The following TCF7 variants were observed in gnomAD, a reference collection of about 807,000 sequenced individuals.
TCF7 encodes the protein T-cell-factor-7.
In TCF7, 19 loss-of-function variants were observed where a neutral mutation model predicts 46.8. The observed-to-expected ratio is 0.41, with a 90% confidence interval of 0.28 to 0.60. TCF7 has a LOEUF of 0.60. Among genes scored for constraint, TCF7 ranks in the 20% least tolerant of loss-of-function variants. The pLI, the probability that TCF7 is intolerant of heterozygous loss-of-function variation, is 0.35. For missense variants in TCF7, 547 were observed against 504.6 expected, an observed-to-expected ratio of 1.08 and a Z score of -0.81; for synonymous variants, 245 against 213.4, an observed-to-expected ratio of 1.15 and a Z score of -1.29.
chr5:134,144,124 T>A (rs1048199319), intron 9 of TCF7: 7 of 169,760 alleles, frequency 4.1e-5, no homozygotes, highest in African/African-American at 1.2e-4. Context: ...GTGCTCTATG[T>A]AGAGAAGCCC....
chr5:134,140,205 G>A (rs1214012141), intron 5 of TCF7, among the ~76,000 whole-genome samples: 2 of 152,214 alleles, frequency 1.3e-5, no homozygotes, highest in East Asian at 3.9e-4. Context: ...GCCGGGCAGG[G>A]TTCTGGGCAC....
intron 3 of TCF7, among the ~76,000 whole-genome samples, chr5:134,118,945 C>A (rs1188298863): frequency 6.6e-6 from 1 of 152,148 alleles, no homozygotes; most frequent in Non-Finnish European, 1.5e-5. Flanking sequence ...CAATGCCCGG[C>A]TAAGTTTGTT....
At chr5:134,110,090 G>A (rs1379993475), upstream of TCF7, among the ~76,000 whole-genome samples, 1 of 152,174 alleles carries the variant, frequency 6.6e-6, no homozygotes, top group Admixed American at 6.5e-5. Flanking sequence ...CAGGAACAAT[G>A]GCTGGCACAA....
intron 3 of TCF7, among the ~76,000 whole-genome samples, chr5:134,119,238 C>A (rs1445410741): frequency 6.6e-6 from 1 of 152,196 alleles, no homozygotes; most frequent in African/African-American, 2.4e-5. Flanking sequence ...GTAGCTTAGA[C>A]AGATGCCGAG....
intron 3 of TCF7, among the ~76,000 whole-genome samples, chr5:134,125,619 C>T (rs910809014): frequency 2.6e-5 from 4 of 152,242 alleles, no homozygotes; most frequent in Admixed American, 6.5e-5. Context: ...CCAGGCTTGT[C>T]ATGCCTGGAA....
At chr5:134,145,350 T>G in intron 9 of TCF7, 1 of 543,404 alleles carries the variant, frequency 1.8e-6, no homozygotes, top group Non-Finnish European at 3.6e-6. Context: ...GGTAGCCTTA[T>G]GACTTGCTAT....
intron 3 of TCF7, among the ~76,000 whole-genome samples, chr5:134,134,474 C>T (rs1758581684): frequency 6.6e-6 from 1 of 152,212 alleles, no homozygotes; most frequent in Non-Finnish European, 1.5e-5. Flanking sequence ...GAGGCTCAGT[C>T]TCCGTGCCCT....
chr5:134,129,153 GC>G (rs916695375), intron 3 of TCF7, among the ~76,000 whole-genome samples: 5 of 152,214 alleles, frequency 3.3e-5, no homozygotes, highest in African/African-American at 1.2e-4. Context: ...TTCCTCGTCT[GC>G]GAAGTCTGTA....
intron 9 of TCF7, chr5:134,144,881 C>T: frequency 6.2e-7 from 1 of 1,612,724 alleles, no homozygotes; most frequent in Non-Finnish European, 8.5e-7. Context: ...TGGGTTTGTC[C>T]CCACCATCGT....
At chr5:134,143,251 C>G (rs761723963) in intron 8 of TCF7, 151 bp downstream of exon 8, 22 of 821,820 alleles carry the variant, frequency 2.7e-5, no homozygotes, top group East Asian at 9.9e-5. Flanking sequence ...CCATGGCTGC[C>G]TCAGAAGAGG....
intron 9 of TCF7, 199 bp downstream of exon 9, chr5:134,143,839 C>T (rs1760267090): frequency 5.0e-6 from 3 of 604,976 alleles, no homozygotes; most frequent in Non-Finnish European, 8.6e-6. Context: ...CCCAGGGAAA[C>T]CCAGCAGAAC....
intron 3 of TCF7, among the ~76,000 whole-genome samples, chr5:134,130,811 G>A (rs1481670546): frequency 2.0e-5 from 3 of 151,996 alleles, no homozygotes; most frequent in Non-Finnish European, 4.4e-5. Flanking sequence ...CCTAAACACT[G>A]GCTTACACAC....
chr5:134,129,933 T>G (rs1757883340), intron 3 of TCF7, among the ~76,000 whole-genome samples: 1 of 152,244 alleles, frequency 6.6e-6, no homozygotes, highest in Non-Finnish European at 1.5e-5. Flanking sequence ...CAGGAGGGTG[T>G]GGCCTTGCCA....
chr5:134,117,409 C>T (rs1755973753), intron 3 of TCF7, among the ~76,000 whole-genome samples: 1 of 152,232 alleles, frequency 6.6e-6, no homozygotes, highest in South Asian at 2.1e-4. Flanking sequence ...ACTAGGTTGA[C>T]ATAACCCACC....
chr5:134,146,008 C>T, intron 9 of TCF7: 3 of 1,490,864 alleles, frequency 2.0e-6, no homozygotes, highest in Non-Finnish European at 1.8e-6. Flanking sequence ...CAAAAGGCCC[C>T]TTTGCCACCT....
Position 134,115,542 on chromosome 5 carries a change from C to T in TCF7, c.316+155C>T. ...GGTGGAGAGTGGGGGGCGGGCTTCC[C>T]GGGCGCCGCCGGGTCGAGTCACTTC... On this transcript the variant is annotated intron_variant, in intron 2 of 9. Coordinates refer to ENST00000342854, the MANE Select transcript of TCF7 (RefSeq NM_003202.5). 5 of 1,438,826 alleles carry T rather than the reference C, an allele frequency of 3.5e-6. No homozygotes were observed. In the African/African-American group the frequency reaches 4.4e-5, roughly 13 times the overall value. The allele number at this position is 1,438,826 out of a possible 1,614,324, so 89.1% of individuals were successfully genotyped here.
At chr5:134,145,176 A>G in intron 9 of TCF7, 1 of 608,578 alleles carries the variant, frequency 1.6e-6, no homozygotes, top group Non-Finnish European at 3.1e-6. Flanking sequence ...CAGACAGCTC[A>G]GCCACCACTA....
chr5:134,111,092 C>A (rs1475286552), upstream of TCF7, among the ~76,000 whole-genome samples: 2 of 152,162 alleles, frequency 1.3e-5, no homozygotes, highest in Non-Finnish European at 2.9e-5. Context: ...GCAGGGCAGG[C>A]CTGCGTATGA....
intron 3 of TCF7, among the ~76,000 whole-genome samples, chr5:134,130,844 G>T (rs1758017066): frequency 6.6e-6 from 1 of 152,126 alleles, no homozygotes. Context: ...ACCTGCACTG[G>T]ACTCAACTTC....
Sources: allele counts gnomAD v4.1 joint callset (sites outside exome capture counted in the v4.1 genomes callset), GRCh38; gene constraint gnomAD v4.1.1; transcripts MANE v1.5; gene names NCBI Gene and HGNC (gene_info 2026-07-23, HGNC 2026-07-21).